The following TRAPPC10 variants were observed in gnomAD, a reference collection of about 807,000 sequenced individuals.
TRAPPC10 encodes the protein trafficking protein particle complex subunit 10.
In TRAPPC10, 23 loss-of-function variants were observed where a neutral mutation model predicts 125.5. The ratio of observed to expected loss-of-function variants is 0.18; its 90% CI spans 0.13 to 0.26. The LOEUF (loss-of-function observed/expected upper bound fraction) is 0.26. TRAPPC10 is among the 10% of genes least tolerant of loss of function. The pLI is 1.00. For missense variants in TRAPPC10, 1,123 were observed against 1,308.4 expected, an observed-to-expected ratio of 0.86 and a Z score of 2.19; for synonymous variants, 509 against 518.0, an observed-to-expected ratio of 0.98 and a Z score of 0.24.
At chr21:44,085,616 T>G (rs1361048283) in intron 15 of TRAPPC10, among the ~76,000 whole-genome samples, 2 of 151,978 alleles carry the variant, frequency 1.3e-5, no homozygotes, top group African/African-American at 2.4e-5. Context: ...GGCTCCTGCC[T>G]CAGCCTCCTG....
chr21:44,081,452 C>T (rs1398371972), intron 13 of TRAPPC10, among the ~76,000 whole-genome samples: 29 of 152,124 alleles, frequency 1.9e-4, no homozygotes, highest in Admixed American at 1.8e-3. Context: ...AGCCACCATG[C>T]CTGGCCACCA....
chr21:44,054,986 G>C (rs2035470491), intron 4 of TRAPPC10, among the ~76,000 whole-genome samples: 2 of 152,214 alleles, frequency 1.3e-5, no homozygotes, highest in Non-Finnish European at 2.9e-5. Flanking sequence ...AGGAAGTAAA[G>C]TGAGACATCG....
At position 44,032,060 on chromosome 21, in the gene TRAPPC10, T is replaced by C. The variant is rs756779117; in HGVS notation, c.68-31T>C. 5 of 1,575,324 alleles carry C rather than the reference T, an allele frequency of 3.2e-6. No homozygotes were observed. In the South Asian group the frequency reaches 4.6e-5, roughly 14 times the overall value. Reference sequence around the variant, plus strand: ...TTTTGCATGTATTCACCTAAAAATATGGTAACTGAATTTCTTTCTTCCCTT... The same window carrying C: ...TTTTGCATGTATTCACCTAAAAATACGGTAACTGAATTTCTTTCTTCCCTT... On this transcript the variant is annotated intron_variant, in intron 1 of 22. Transcript: ENST00000291574.
rs2038456725 is a variant in TRAPPC10, at chr21:44,089,907, A to G, written c.2844A>G (p.Thr948=). ...CCTTCAGCGTACCCTTCAGGACCACACACAGCCTCCTGTCCTCAGGAACAC... is the reference window on the plus strand; with the variant it reads ...CCTTCAGCGTACCCTTCAGGACCACGCACAGCCTCCTGTCCTCAGGAACAC... ...ALTFSVPFRT[T]HSLLSSGTRK... The change falls in exon 18 of 23, where the codon ACA becomes ACG. Residue 948 remains threonine (T), a synonymous_variant. Coordinates refer to ENST00000291574, the MANE Select transcript of TRAPPC10 (RefSeq NM_003274.5). 6.2e-7 allele frequency: 1 copy of G among 1,613,848 alleles called. No individual in the cohort carries two copies. Among genetic ancestry groups the G allele is most frequent in the African/African-American group, 1.3e-5 (1 of 75,004 alleles).
At position 44,082,892 on chromosome 21, in the gene TRAPPC10, A is replaced by C; in HGVS notation, c.1828A>C (p.Ile610Leu). 2 of 1,614,076 alleles carry C rather than the reference A, an allele frequency of 1.2e-6. No homozygotes were observed. Among genetic ancestry groups the C allele is most frequent in the Non-Finnish European group, 1.7e-6 (2 of 1,180,022 alleles). The change falls in exon 14 of 23, where the codon ATA becomes CTA. Residue 610 changes from isoleucine (I) to leucine (L), a missense_variant. Around this residue, in one of 4 missense-constraint regions of TRAPPC10, gnomAD observed 840 missense variants for 902.0 expected, o/e 0.93. Coordinates refer to ENST00000291574, the MANE Select transcript of TRAPPC10 (RefSeq NM_003274.5). This position sits in a 1 kb window ranked among gnomAD's most constrained non-coding sequence, Gnocchi z 4.4. ...CGTGGGCGGCGTTTTGTGCGTTGAGATAACCATGTACAGCCAGATGCCTGT... is the reference window on the plus strand; with the variant it reads ...CGTGGGCGGCGTTTTGTGCGTTGAGCTAACCATGTACAGCCAGATGCCTGT... ...VHVGGVLCVE[I>L]TMYSQMPVPV...
intron 15 of TRAPPC10, among the ~76,000 whole-genome samples, chr21:44,085,886 G>A (rs2038091488): frequency 6.6e-6 from 1 of 152,166 alleles, no homozygotes; most frequent in South Asian, 2.1e-4. Context: ...TGTCTCCTTT[G>A]TTCGGGCTAG....
chr21:44,063,010 C>T lies in TRAPPC10; in HGVS notation c.791-528C>T, dbSNP rs1250198462. 7.7e-7 allele frequency: 1 copy of T among 1,303,718 alleles called. No individual in the cohort carries two copies. Among genetic ancestry groups the T allele is most frequent in the South Asian group, 1.2e-5 (1 of 80,924 alleles). The allele number at this position is 1,303,718 out of a possible 1,614,324, so 80.8% of individuals were successfully genotyped here. On this transcript the variant is annotated intron_variant, in intron 6 of 22. Coordinates refer to ENST00000291574, the MANE Select transcript of TRAPPC10 (RefSeq NM_003274.5). The surrounding 1 kb of genome is among the most constrained non-coding windows in gnomAD (Gnocchi z 4.4). ...TTTCGACAAGCAGTAATTCTTTTTCCTTCTATGTGCTGCTACCAAGTCCTC... is the reference window on the plus strand; with the variant it reads ...TTTCGACAAGCAGTAATTCTTTTTCTTTCTATGTGCTGCTACCAAGTCCTC...
intron 1 of TRAPPC10, among the ~76,000 whole-genome samples, chr21:44,029,028 A>G (rs1340758369): frequency 6.6e-6 from 1 of 152,170 alleles, no homozygotes; most frequent in African/African-American, 2.4e-5. Flanking sequence ...TTAATTACCT[A>G]CCGCGTGAGC....
intron 3 of TRAPPC10, among the ~76,000 whole-genome samples, chr21:44,050,396 G>A (rs1000979863): frequency 6.6e-6 from 1 of 152,020 alleles, no homozygotes; most frequent in African/African-American, 2.4e-5. Context: ...GACTCCTTCT[G>A]GGGTGGGGGT....
chr21:44,032,383 T>TTC (rs1555927996), intron 2 of TRAPPC10, among the ~76,000 whole-genome samples: 8 of 143,316 alleles, frequency 5.6e-5, no homozygotes, highest in African/African-American at 2.1e-4. Context: ...GGTTTTCTTT[T>TTC]TTTTTTTTTT....
chr21:44,060,939 C>T (rs1331275078), intron 6 of TRAPPC10, among the ~76,000 whole-genome samples: 1 of 149,624 alleles, frequency 6.7e-6, no homozygotes, highest in Non-Finnish European at 1.5e-5. Context: ...CACACACACA[C>T]ACACACACTT....
rs112181892 is a variant in TRAPPC10, at chr21:44,067,638, C to G, written c.1038+3853C>G. On this transcript the variant is annotated intron_variant, in intron 7 of 22. Coordinates refer to ENST00000291574, the MANE Select transcript of TRAPPC10 (RefSeq NM_003274.5). ...ATGAAGAGGAAAGGGCCCCACCTAC[C>G]GGCATGAGGTGCCACGGGTCATCAG... Among the ~76,000 whole-genome samples the G allele has an allele frequency of 8.3e-3, 1,260 of 152,290 alleles. 9 individuals carry two copies. The highest frequency in any genetic ancestry group is 0.044 in the Middle Eastern group (13 of 294).
chr21:44,059,253 T>A lies in TRAPPC10; in HGVS notation c.790+39T>A. ...CTTCAGTAACGCATGCTTTTCTTAGTGTGGCTTTCTCCAACTTCAGATAGG... is the reference window on the plus strand; with the variant it reads ...CTTCAGTAACGCATGCTTTTCTTAGAGTGGCTTTCTCCAACTTCAGATAGG... On this transcript the variant is annotated intron_variant, in intron 6 of 22. Coordinates refer to ENST00000291574, the MANE Select transcript of TRAPPC10 (RefSeq NM_003274.5). This position sits in a 1 kb window ranked among gnomAD's most constrained non-coding sequence, Gnocchi z 4.4. 1 of 1,465,776 alleles carries A rather than the reference T, an allele frequency of 6.8e-7. No homozygotes were observed. The highest frequency in any genetic ancestry group is 2.1e-5 in the Admixed American group (1 of 48,244). 90.8% of individuals were successfully genotyped at this position (1,465,776 alleles called of 1,614,324 possible).
At position 44,082,682 on chromosome 21, in the gene TRAPPC10, C is replaced by T; in HGVS notation, c.1724-106C>T. 1.5e-5 allele frequency: 20 copies of T among 1,298,078 alleles called. No homozygotes were observed. The highest frequency in any genetic ancestry group is 2.1e-5 in the Non-Finnish European group (19 of 923,822). The allele number at this position is 1,298,078 out of a possible 1,614,324, so 80.4% of individuals were successfully genotyped here. On this transcript the variant is annotated intron_variant, in intron 13 of 22. Transcript: ENST00000291574. This position sits in a 1 kb window ranked among gnomAD's most constrained non-coding sequence, Gnocchi z 4.4. ...TCAGCTGCTGTGCCCATCACTGCTGCTTGCTTCAGTCTGCTCTCGGTGATC... is the reference window on the plus strand; with the variant it reads ...TCAGCTGCTGTGCCCATCACTGCTGTTTGCTTCAGTCTGCTCTCGGTGATC...
chr21:44,096,106 A>G (rs571078773), intron 20 of TRAPPC10, among the ~76,000 whole-genome samples: 11 of 45,038 alleles, frequency 2.4e-4, no homozygotes, highest in South Asian at 2.1e-3. Context: ...GGCTGTCCCA[A>G]TTGGCAGGCG....
chr21:44,067,652 A>G (rs1601731781), intron 7 of TRAPPC10, among the ~76,000 whole-genome samples: 1 of 152,186 alleles, frequency 6.6e-6, no homozygotes, highest in Non-Finnish European at 1.5e-5. Flanking sequence ...ATGAGGTGCC[A>G]CGGGTCATCA....
Position 44,082,724 on chromosome 21 carries a change from C to G in TRAPPC10, c.1724-64C>G, listed in dbSNP as rs769556198. The G allele has an allele frequency of 5.9e-5, 93 of 1,576,546 alleles. No homozygotes were observed. Among genetic ancestry groups the G allele is most frequent in the Non-Finnish European group, 7.7e-5 (89 of 1,155,674 alleles). On this transcript the variant is annotated intron_variant, in intron 13 of 22. Transcript: ENST00000291574. The surrounding 1 kb of genome is among the most constrained non-coding windows in gnomAD (Gnocchi z 4.4). ...TCGGTGATCTTACTGTGTCCGCGGCCTGCTGCTGCTTACTGTCAGGAAGTG... is the reference window on the plus strand; with the variant it reads ...TCGGTGATCTTACTGTGTCCGCGGCGTGCTGCTGCTTACTGTCAGGAAGTG...
At chr21:44,051,851 C>T (rs747189426) in intron 3 of TRAPPC10, among the ~76,000 whole-genome samples, 1 of 152,224 alleles carries the variant, frequency 6.6e-6, no homozygotes, top group Non-Finnish European at 1.5e-5. Context: ...TGTGCCATGA[C>T]AGCCAGCTTG....
chr21:44,095,375 A>C (rs2038862007), intron 20 of TRAPPC10, among the ~76,000 whole-genome samples: 2 of 151,416 alleles, frequency 1.3e-5, no homozygotes, highest in South Asian at 4.1e-4. Flanking sequence ...CCTCCTGCGT[A>C]GCTGGGATTA....
Sources: allele counts gnomAD v4.1 joint callset (sites outside exome capture counted in the v4.1 genomes callset), GRCh38; gene constraint gnomAD v4.1.1; regional missense constraint gnomAD v4.1.1; non-coding constraint Gnocchi (gnomAD v3.1); transcripts MANE v1.5; gene names NCBI Gene and HGNC (gene_info 2026-07-23, HGNC 2026-07-21).